Variants in CAPN3 observed in about 807,000 individuals in gnomAD.
CAPN3 encodes the protein calpain-3.
Under a neutral mutation model 114.0 loss-of-function variants are expected in CAPN3, and 88 were observed. That is an observed-to-expected ratio of 0.77 (90% confidence interval 0.65 to 0.92). CAPN3 has a LOEUF of 0.92. Among genes scored for constraint, CAPN3 ranks in the 40% least tolerant of loss-of-function variants. The probability of loss-of-function intolerance (pLI) is 0.00; values close to 1 mark genes in which losing one functional copy is unlikely to be tolerated. For synonymous variants in CAPN3, 386 were observed against 382.9 expected (o/e 1.01, Z -0.09); for missense variants, 1,028 against 1,069.0 (o/e 0.96, Z 0.53).
Position 42,359,772 on chromosome 15 carries a change from C to A in CAPN3, c.-34C>A. On this transcript the variant is annotated 5_prime_UTR_variant, in exon 1 of 24. Transcript: ENST00000397163. ...CTTGAAGGTAGCTGTATCTTATTTTCTTTAAAAAGCTTTTTCTTCCAAAGC... is the reference window on the plus strand; with the variant it reads ...CTTGAAGGTAGCTGTATCTTATTTTATTTAAAAAGCTTTTTCTTCCAAAGC... 6.2e-7 allele frequency: 1 copy of A among 1,612,176 alleles called. No individual in the cohort carries two copies.
chr15:42,409,883 G>GCCGCCCC, intron 18 of CAPN3, 39 bp downstream of exon 18: 1 of 559,670 alleles, frequency 1.8e-6, no homozygotes, highest in African/African-American at 2.0e-5. Context: ...GGTGGGTGGG[G>GCCGCCCC]AGTCCCGTTG....
chr15:42,401,767 A>C lies in CAPN3; in HGVS notation c.1481A>C (p.Lys494Thr). ...CAGAAGAACCGGCGGAAGGACCGGA[A>C]GCTAGGGGCCAGTCTCTTCACCATT... ...LMQKNRRKDR[K>T]LGASLFTIGF... is the part of the protein sequence containing the mutation. Residue 494 changes from lysine (K) to threonine (T), a missense_variant, in exon 11 of 24, where the codon AAG (lysine) becomes ACG (threonine). Coordinates refer to ENST00000397163, the MANE Select transcript of CAPN3 (RefSeq NM_000070.3). The C allele has an allele frequency of 6.2e-7, 1 of 1,614,040 alleles. No individual in the cohort carries two copies. Among genetic ancestry groups the C allele is most frequent in the Non-Finnish European group, 8.5e-7 (1 of 1,179,978 alleles).
chr15:42,408,263 A>C lies in CAPN3; in HGVS notation c.1853A>C (p.Asp618Ala). ...RANSNKELGV[D>A]QESEEGKGKT... ...AACAGCAACAAGGAGCTGGGTGTGGACCAGGAGTCAGAGGAGGGCAAAGGC... is the reference window on the plus strand; with the variant it reads ...AACAGCAACAAGGAGCTGGGTGTGGCCCAGGAGTCAGAGGAGGGCAAAGGC... Residue 618 changes from aspartate (D) to alanine (A), a missense_variant, in exon 16 of 24, where the codon GAC (aspartate) becomes GCC (alanine). Coordinates refer to ENST00000397163, the MANE Select transcript of CAPN3 (RefSeq NM_000070.3). The C allele has an allele frequency of 6.2e-7, 1 of 1,613,910 alleles. No individual in the cohort carries two copies. The highest frequency in any genetic ancestry group is 8.5e-7 in the Non-Finnish European group (1 of 1,179,890).
chr15:42,409,249 C>A, intron 16 of CAPN3, 54 bp from the exon 17 acceptor site: 2 of 1,560,138 alleles, frequency 1.3e-6, no homozygotes, highest in Non-Finnish European at 1.8e-6. Flanking sequence ...GCTTGCCTCA[C>A]AGGCCTGTGC....
At chr15:42,404,078 G>A (rs761611490) in intron 14 of CAPN3, 8 of 535,476 alleles carry the variant, frequency 1.5e-5, no homozygotes, top group African/African-American at 3.8e-5. Flanking sequence ...GACAAGAGCC[G>A]CAGCGAACAC....
At position 42,408,319 on chromosome 15, in the gene CAPN3, C is replaced by T. The variant is rs776609906; in HGVS notation, c.1909C>T (p.Pro637Ser). The T allele has an allele frequency of 2.5e-6, 4 of 1,608,394 alleles. No homozygotes were observed. Among genetic ancestry groups the T allele is most frequent in the East Asian group, 4.5e-5 (2 of 44,846 alleles). Residue 637 changes from proline (P) to serine (S), a missense_variant, in exon 16 of 24, where the codon CCA (proline) becomes TCA (serine). Physicochemically the swap from Pro to Ser is moderately conservative, Grantham distance 74. Transcript: ENST00000397163. ...KTSPDKQKQSPQPQPGSSDQE... is the reference protein window; with the variant it reads ...KTSPDKQKQSSQPQPGSSDQE... ...AAGCCCTGATAAGCAAAAGCAGTCC[C>T]CACAGGTGTCTGGGCATGTGGCATG...
At position 42,401,754 on chromosome 15, in the gene CAPN3, C is replaced by A; in HGVS notation, c.1468C>A (p.Arg490=). Reference sequence around the variant, plus strand: ...GGTGGCCCTGATGCAGAAGAACCGGCGGAAGGACCGGAAGCTAGGGGCCAG... The same window carrying A: ...GGTGGCCCTGATGCAGAAGAACCGGAGGAAGGACCGGAAGCTAGGGGCCAG... The part of the protein sequence containing the change: ...FLVALMQKNR[R]KDRKLGASLF... Residue 490 remains arginine (R), a synonymous_variant, in exon 11 of 24, where the codon CGG becomes AGG. Coordinates refer to ENST00000397163, the MANE Select transcript of CAPN3 (RefSeq NM_000070.3). 1.2e-6 allele frequency: 2 copies of A among 1,613,988 alleles called. No individual in the cohort carries two copies. The highest frequency in any genetic ancestry group is 1.7e-6 in the Non-Finnish European group (2 of 1,179,974).
At chr15:42,375,544 ACT>A (rs1158321440) in intron 1 of CAPN3, among the ~76,000 whole-genome samples, 1 of 152,024 alleles carries the variant, frequency 6.6e-6, no homozygotes, top group African/African-American at 2.4e-5. Context: ...CAGGCAAGAA[ACT>A]CTCTAGACCA....
At chr15:42,369,828 C>T (rs931543556) in intron 1 of CAPN3, among the ~76,000 whole-genome samples, 1 of 151,872 alleles carries the variant, frequency 6.6e-6, no homozygotes, top group African/African-American at 2.4e-5. Flanking sequence ...CACCAACTTC[C>T]CCAGCACTTG....
intron 14 of CAPN3, 56 bp downstream of exon 14, chr15:42,403,833 T>G (rs1051460057): frequency 1.4e-6 from 2 of 1,471,630 alleles, no homozygotes; most frequent in East Asian, 4.5e-5. Flanking sequence ...TCCCTGACCA[T>G]GCAGGGGACA....
At chr15:42,407,043 G>C (rs976898235) in intron 15 of CAPN3, among the ~76,000 whole-genome samples, 3 of 151,926 alleles carry the variant, frequency 2.0e-5, no homozygotes, top group African/African-American at 7.3e-5. Flanking sequence ...CTGCCCAGTT[G>C]TTCTCTGCAT....
In CAPN3 at chr15:42,412,158, G is replaced by T. The variant is rs1340281243; in HGVS notation, c.*385G>T. 6.5e-7 allele frequency: 1 copy of T among 1,536,106 alleles called. No homozygotes were observed. Among genetic ancestry groups the T allele is most frequent in the South Asian group, 1.2e-5 (1 of 84,062 alleles). On this transcript the variant is annotated 3_prime_UTR_variant, in exon 24 of 24. Coordinates refer to ENST00000397163, the MANE Select transcript of CAPN3 (RefSeq NM_000070.3). The stretch of plus-strand genomic sequence containing the variant: ...TAGAGCCCTCCATCACCTTCACGCT[G>T]TCCCACCATGGGCCAGGAACCAAAC...
intron 9 of CAPN3, among the ~76,000 whole-genome samples, chr15:42,398,671 ACACACACACG>A (rs2053775816): frequency 7.1e-6 from 1 of 140,398 alleles, no homozygotes; most frequent in Admixed American, 6.9e-5. Context: ...ACACATATAC[ACACACACACG>A]TCTGTATATA....
chr15:42,406,387 C>G (rs2054022426), intron 15 of CAPN3, among the ~76,000 whole-genome samples: 1 of 152,122 alleles, frequency 6.6e-6, no homozygotes, highest in African/African-American at 2.4e-5. Flanking sequence ...TCTGGTGGTG[C>G]CTGGTGGTGA....
intron 1 of CAPN3, among the ~76,000 whole-genome samples, chr15:42,382,088 C>T (rs2053264568): frequency 6.6e-6 from 1 of 152,150 alleles, no homozygotes; most frequent in Non-Finnish European, 1.5e-5. Context: ...CCTTGAGCAT[C>T]TTAAATATAC....
rs199884116 is a variant in CAPN3 at position 42,402,925 on chromosome 15, C to T, written c.1668C>T (p.Ile556=). The change falls in exon 13 of 24, where the codon ATC becomes ATT. Residue 556 remains isoleucine, a synonymous_variant. Transcript: ENST00000397163. ...RFRLPPSEYV[I]VPSTYEPHQE... is the part of the protein sequence containing the mutation. ...GCCTGCCTCCCAGCGAGTACGTCAT[C>T]GTGCCCTCCACCTACGAGCCCCACC... The T allele has an allele frequency of 2.0e-4, 321 of 1,614,166 alleles. No homozygotes were observed. The highest frequency in any genetic ancestry group is 1.3e-3 in the Middle Eastern group (8 of 6,062).
intron 12 of CAPN3, chr15:42,402,344 C>T (rs2053895930): frequency 6.7e-7 from 1 of 1,485,176 alleles, no homozygotes; most frequent in Non-Finnish European, 8.9e-7. Flanking sequence ...GCACTTTCTC[C>T]CTCGCACCAG....
intron 1 of CAPN3, among the ~76,000 whole-genome samples, chr15:42,374,784 T>C (rs1026929151): frequency 1.1e-4 from 17 of 148,536 alleles, no homozygotes; most frequent in African/African-American, 4.2e-4. Flanking sequence ...TGTAATCGAA[T>C]ATCATGTCTC....
chr15:42,359,889 G>A lies in CAPN3; in HGVS notation c.84G>A (p.Gln28=). 1.2e-6 allele frequency: 2 copies of A among 1,614,246 alleles called. No homozygotes were observed. Among genetic ancestry groups the A allele is most frequent in the Non-Finnish European group, 1.7e-6 (2 of 1,180,038 alleles). ...RSPGPVPHPA[Q]SKATEAGGGN... is the part of the protein sequence containing the mutation. ...CAGGGCCAGTTCCTCACCCGGCCCA[G>A]AGCAAGGCCACTGAGGCTGGGGGTG... is the stretch of plus-strand genomic sequence containing the variant. The change falls in exon 1 of 24, where the codon CAG becomes CAA. Residue 28 remains glutamine, a synonymous_variant. Coordinates refer to ENST00000397163, the MANE Select transcript of CAPN3 (RefSeq NM_000070.3).
Sources: gnomAD v4.1 joint callset for allele counts (sites outside exome capture counted in the v4.1 genomes callset) on GRCh38, gnomAD v4.1.1 for gene constraint, MANE v1.5 for transcripts, NCBI Gene and HGNC (gene_info 2026-07-23, HGNC 2026-07-21) for gene names.